PAPSS2: variants seen among roughly 807,000 people sequenced by gnomAD.
PAPSS2 encodes the protein bifunctional 3'-phosphoadenosine 5'-phosphosulfate synthase 2.
Under a neutral mutation model 66.5 loss-of-function variants are expected in PAPSS2, and 61 were observed. The observed-to-expected ratio is 0.92, with a 90% CI of 0.75 to 1.14. PAPSS2 has a LOEUF of 1.14. PAPSS2 is among the 50% of genes most tolerant of loss of function. The probability of loss-of-function intolerance (pLI) is 0.00; values close to 1 mark genes in which losing one functional copy is unlikely to be tolerated. For synonymous variants in PAPSS2, 289 were observed against 287.5 expected (o/e 1.01, Z -0.05); for missense variants, 708 against 789.6 (o/e 0.90, Z 1.24).
In PAPSS2 at chr10:87,727,396, T is replaced by C; in HGVS notation, c.993T>C (p.Ala331=). Residue 331 remains alanine (A), a synonymous_variant, in exon 9 of 13, where the codon GCT becomes GCC. Coordinates refer to ENST00000456849, the MANE Select transcript of PAPSS2 (RefSeq NM_001015880.2). Reference sequence around the variant, plus strand: ...TGGCACATGGTGGACGGAGGGTAGCTATCTTACGAGACGCTGAATTCTATG... The same window carrying C: ...TGGCACATGGTGGACGGAGGGTAGCCATCTTACGAGACGCTGAATTCTATG... ...FVLAHGGRRV[A]ILRDAEFYEH... 6.2e-7 allele frequency: 1 copy of C among 1,614,076 alleles called. No homozygotes were observed. Among genetic ancestry groups the C allele is most frequent in the South Asian group, 1.1e-5 (1 of 91,068 alleles).
intron 1 of PAPSS2, among the ~76,000 whole-genome samples, chr10:87,682,319 C>T (rs978393826): frequency 5.3e-5 from 8 of 152,160 alleles, no homozygotes; most frequent in African/African-American, 1.2e-4. Flanking sequence ...CAGGCACAAA[C>T]GCAGTTGGCA....
chr10:87,714,221 G>GCTGTCAGTCCTCAGTCCTTATT, intron 4 of PAPSS2, 39 bp downstream of exon 4: 2 of 1,602,562 alleles, frequency 1.2e-6, no homozygotes, highest in Non-Finnish European at 1.7e-6. Flanking sequence ...AGTTACATAG[G>GCTGTCAGTCCTCAGTCCTTATT]CTGTCAGTCC....
In PAPSS2 at chr10:87,714,736, G is replaced by A; in HGVS notation, c.521-9G>A. ...CAGATGCGATGATTGTCACCCATAT[G>A]CTTTGCAGGATTTACAGGTATTGAT... On this transcript the variant is annotated splice_polypyrimidine_tract_variant and intron_variant, in intron 4 of 12. Transcript: ENST00000456849. 1.4e-6 allele frequency: 2 copies of A among 1,474,554 alleles called. No homozygotes were observed. The highest frequency in any genetic ancestry group is 1.9e-6 in the Non-Finnish European group (2 of 1,052,704). The allele number at this position is 1,474,554 out of a possible 1,614,324, so 91.3% of individuals were successfully genotyped here.
At chr10:87,663,857 G>A (rs1852784339) in intron 1 of PAPSS2, among the ~76,000 whole-genome samples, 1 of 152,112 alleles carries the variant, frequency 6.6e-6, no homozygotes, top group African/African-American at 2.4e-5. Flanking sequence ...GTCATGGTTT[G>A]GCATACATAA....
intron 1 of PAPSS2, among the ~76,000 whole-genome samples, chr10:87,693,885 G>A (rs1424282833): frequency 2.0e-5 from 3 of 152,218 alleles, no homozygotes; most frequent in African/African-American, 7.2e-5. Context: ...ACAGGTCACA[G>A]CAGGTCTCAC....
At chr10:87,697,037 T>C (rs1209171328) in intron 1 of PAPSS2, among the ~76,000 whole-genome samples, 1 of 152,202 alleles carries the variant, frequency 6.6e-6, no homozygotes, top group African/African-American at 2.4e-5. Flanking sequence ...AACATTTTTC[T>C]GTTCAAGGAT....
intron 1 of PAPSS2, among the ~76,000 whole-genome samples, chr10:87,669,887 G>A (rs944684932): frequency 1.3e-5 from 2 of 152,192 alleles, no homozygotes; most frequent in African/African-American, 4.8e-5. Context: ...GACACTTCAT[G>A]CCATGTAGCC....
At chr10:87,727,166 G>T (rs1400565080) in intron 8 of PAPSS2, 118 bp from the exon 9 acceptor site, 3 of 835,040 alleles carry the variant, frequency 3.6e-6, no homozygotes, top group East Asian at 2.6e-5. Flanking sequence ...ACTTGGATTT[G>T]GGTCTTAATG....
At chr10:87,714,299 A>G (rs1170281794) in intron 4 of PAPSS2, 117 bp downstream of exon 4, 29 of 1,054,976 alleles carry the variant, frequency 2.7e-5, no homozygotes, top group South Asian at 2.4e-4. Context: ...TGCATATAAC[A>G]TGCACAACTT....
intron 1 of PAPSS2, among the ~76,000 whole-genome samples, chr10:87,681,975 G>A (rs1853027145): frequency 6.6e-6 from 1 of 152,108 alleles, no homozygotes; most frequent in African/African-American, 2.4e-5. Flanking sequence ...TACAGTTTGG[G>A]GCTATTATGA....
intron 1 of PAPSS2, among the ~76,000 whole-genome samples, chr10:87,668,572 A>G (rs1228099717): frequency 6.6e-6 from 1 of 151,960 alleles, no homozygotes; most frequent in African/African-American, 2.4e-5. Flanking sequence ...TAAAATTCCC[A>G]ATTGACTTTT....
intron 1 of PAPSS2, among the ~76,000 whole-genome samples, chr10:87,678,490 T>A (rs1589421157): frequency 6.6e-6 from 1 of 151,882 alleles, no homozygotes; most frequent in East Asian, 1.9e-4. Flanking sequence ...AAGGAAACAA[T>A]CAACAGCATG....
At chr10:87,713,740 TA>T (rs1853497805) in intron 3 of PAPSS2, among the ~76,000 whole-genome samples, 1 of 152,236 alleles carries the variant, frequency 6.6e-6, no homozygotes, top group South Asian at 2.1e-4. Context: ...ACTCTTCTTT[TA>T]AATCAGGAAA....
At chr10:87,690,024 T>G (rs1853149490) in intron 1 of PAPSS2, among the ~76,000 whole-genome samples, 1 of 152,238 alleles carries the variant, frequency 6.6e-6, no homozygotes, top group Admixed American at 6.5e-5. Flanking sequence ...TATTCTATAA[T>G]GGACAATTTA....
Position 87,715,798 on chromosome 10 carries a change from GAGA to G in PAPSS2, c.823_825del (p.Lys275del), listed in dbSNP as rs1564722079. The G allele has an allele frequency of 2.5e-6, 4 of 1,613,424 alleles. No homozygotes were observed. Among genetic ancestry groups the G allele is most frequent in the African/African-American group, 1.3e-5 (1 of 75,010 alleles). ...CACTCCCCTCAAAGGTTTCATGCGGGAGAAGGAGTACTTACAGGTTATGCACTT... is the reference window on the plus strand; with the variant it reads ...CACTCCCCTCAAAGGTTTCATGCGGGAGGAGTACTTACAGGTTATGCACTT... On this transcript the variant is annotated inframe_deletion, in exon 7 of 13. Coordinates refer to ENST00000456849, the MANE Select transcript of PAPSS2 (RefSeq NM_001015880.2).
Position 87,727,185 on chromosome 10 carries a change from A to G in PAPSS2, c.881-99A>G, listed in dbSNP as rs17127033. 7.4e-4 allele frequency: 758 copies of G among 1,026,032 alleles called. 6 individuals carry two copies. The African/African-American group carries it at 0.011, about 14-fold the overall frequency. The allele number at this position is 1,026,032 out of a possible 1,614,324, so 63.6% of individuals were successfully genotyped here. The stretch of plus-strand genomic sequence containing the variant: ...GGATTTGGGTCTTAATGCTTCTTGA[A>G]GGAAATGTTTGGAAGGGGCATTGTG... On this transcript the variant is annotated intron_variant, in intron 8 of 12. Transcript: ENST00000456849.
intron 1 of PAPSS2, among the ~76,000 whole-genome samples, chr10:87,699,422 A>G (rs1424489211): frequency 6.6e-6 from 1 of 152,170 alleles, no homozygotes; most frequent in Non-Finnish European, 1.5e-5. Flanking sequence ...TGCTGGGATT[A>G]TAGGCATGAG....
intron 7 of PAPSS2, among the ~76,000 whole-genome samples, chr10:87,718,580 G>A (rs1029785370): frequency 6.6e-6 from 1 of 152,174 alleles, no homozygotes; most frequent in Non-Finnish European, 1.5e-5. Flanking sequence ...CAAGGGGTGC[G>A]TTTCCTGTGT....
At chr10:87,685,658 T>A (rs1413811948) in intron 1 of PAPSS2, among the ~76,000 whole-genome samples, 1 of 152,220 alleles carries the variant, frequency 6.6e-6, no homozygotes, top group Non-Finnish European at 1.5e-5. Flanking sequence ...CACTCCAGCT[T>A]GAGTGACAGA....
Sources: gnomAD v4.1 joint callset for allele counts (sites outside exome capture counted in the v4.1 genomes callset) on GRCh38, gnomAD v4.1.1 for gene constraint, MANE v1.5 for transcripts, NCBI Gene and HGNC (gene_info 2026-07-23, HGNC 2026-07-21) for gene names.